WWTR1: variants seen among roughly 807,000 people sequenced by gnomAD.
The protein encoded by WWTR1 is WW domain-containing transcription regulator protein 1.
WWTR1 carries 13 observed loss-of-function variants against 40.1 expected under a neutral mutation model. The observed-to-expected ratio is 0.32, with a 90% CI of 0.21 to 0.52. The LOEUF (loss-of-function observed/expected upper bound fraction) is 0.52, where lower values mean the gene tolerates loss of function less well. Among genes scored for constraint, WWTR1 ranks in the 20% least tolerant of loss-of-function variants. WWTR1 has a pLI of 0.97. For missense variants in WWTR1, 436 were observed against 523.1 expected (o/e 0.83, Z 1.63); for synonymous variants, 230 against 210.1 (o/e 1.09, Z -0.82).
chr3:149,699,202 CT>C lies in WWTR1; in HGVS notation c.-108+3921del, dbSNP rs1405548773. On this transcript the variant is annotated intron_variant, in intron 1 of 7. Transcript: ENST00000465804. ...TTAAGTCATTTCTTTGCTCCTGCAT[CT>C]GATTGTGGGTGATTAGAAGCAGCCA... is the stretch of plus-strand genomic sequence containing the variant. Among the ~76,000 whole-genome samples the C allele has an allele frequency of 6.6e-5, 10 of 152,102 alleles. No homozygotes were observed. The South Asian group carries it at 1.9e-3, about 28-fold the overall frequency.
At chr3:149,670,083 T>G (rs914321665) in intron 1 of WWTR1, among the ~76,000 whole-genome samples, 1 of 152,160 alleles carries the variant, frequency 6.6e-6, no homozygotes, top group African/African-American at 2.4e-5. Context: ...CAGCAATGGC[T>G]CAGCTCTAGC....
At chr3:149,626,818 GCA>G (rs1378355783) in intron 2 of WWTR1, among the ~76,000 whole-genome samples, 1 of 152,096 alleles carries the variant, frequency 6.6e-6, no homozygotes, top group African/African-American at 2.4e-5. Flanking sequence ...CCCAACCTTG[GCA>G]CACAGCGCAC....
At chr3:149,527,153 C>CTTTTTT (rs755334881) in intron 5 of WWTR1, among the ~76,000 whole-genome samples, 44 of 144,412 alleles carry the variant, frequency 3.0e-4, no homozygotes, top group African/African-American at 4.4e-4. Flanking sequence ...CTTTTCTTTT[C>CTTTTTT]TTTCTTTTTT....
rs574513681 is a variant in WWTR1, at chr3:149,681,762, A to G, written c.-107-11871T>C. ...GCTTTAAAACAGAAGGAAATCCTGA[A>G]TATGTGACAACATAGATGAAACTTA... On this transcript the variant is annotated intron_variant, in intron 1 of 7. Coordinates refer to the WWTR1 transcript ENST00000465804. Among the ~76,000 whole-genome samples the G allele has an allele frequency of 3.1e-4, 47 of 152,316 alleles. 1 individual carries two copies. The East Asian group carries it at 9.0e-3, about 29-fold the overall frequency.
At chr3:149,595,562 C>A (rs1738960828) in intron 2 of WWTR1, among the ~76,000 whole-genome samples, 2 of 151,992 alleles carry the variant, frequency 1.3e-5, no homozygotes, top group Admixed American at 1.3e-4. Flanking sequence ...TAAATCTAGG[C>A]AAGGGGTATA....
At chr3:149,668,609 A>AAAAAAAAAAAAAAAC (rs1457621342) in intron 2 of WWTR1, among the ~76,000 whole-genome samples, 1 of 149,098 alleles carries the variant, frequency 6.7e-6, no homozygotes, top group Admixed American at 6.9e-5. Flanking sequence ...TTGTGTCTCA[A>AAAAAAAAAAAAAAAC]AAAAAACAAC....
chr3:149,553,234 G>A (rs1052449686), intron 3 of WWTR1, among the ~76,000 whole-genome samples: 6 of 152,186 alleles, frequency 3.9e-5, no homozygotes, highest in African/African-American at 1.4e-4. Context: ...GCTGGCATCA[G>A]CTGCATGGAT....
chr3:149,624,849 GCCAC>G (rs986942883), intron 2 of WWTR1, among the ~76,000 whole-genome samples: 4 of 150,914 alleles, frequency 2.7e-5, no homozygotes, highest in African/African-American at 9.7e-5. Flanking sequence ...ACAGGCATGT[GCCAC>G]CATGCCCAGC....
chr3:149,581,369 C>T (rs1018652702), intron 2 of WWTR1, among the ~76,000 whole-genome samples: 1 of 151,688 alleles, frequency 6.6e-6, no homozygotes, highest in Admixed American at 6.6e-5. Context: ...AGACTCATGC[C>T]ATATAATAAA....
intron 6 of WWTR1, among the ~76,000 whole-genome samples, chr3:149,523,486 G>C (rs575122878): frequency 6.6e-6 from 1 of 152,276 alleles, no homozygotes; most frequent in African/African-American, 2.4e-5. Flanking sequence ...AACCTCAGGT[G>C]ATCCACCCAC....
Position 149,656,764 on chromosome 3 carries a change from T to TCTCTC in WWTR1, c.431+111_431+112insGAGAG, listed in dbSNP as rs1560106326. The TCTCTC allele has an allele frequency of 3.6e-4, 171 of 468,612 alleles. No homozygotes were observed. The African/African-American group carries it at 5.3e-3, about 14-fold the overall frequency. The allele number at this position is 468,612 out of a possible 1,614,324, so 29.0% of individuals were successfully genotyped here. A position where few individuals can be genotyped will look rare whatever the true frequency, so the allele number is the denominator to read the frequency against. On this transcript the variant is annotated intron_variant, in intron 2 of 6. Coordinates refer to ENST00000360632, the MANE Select transcript of WWTR1 (RefSeq NM_015472.6). ...GGAAGGACACGCACCATCTCTCTCT[T>TCTCTC]TCTCTCTCTCTCTCTCTCTCTCTCT...
chr3:149,561,889 T>C (rs1235210166), intron 3 of WWTR1, among the ~76,000 whole-genome samples: 1 of 152,180 alleles, frequency 6.6e-6, no homozygotes, highest in Non-Finnish European at 1.5e-5. Context: ...CTGGGGGTCA[T>C]GGTGGGAAGG....
chr3:149,701,568 T>C (rs1715174452), intron 1 of WWTR1: 1 of 179,660 alleles, frequency 5.6e-6, no homozygotes. Context: ...TGAATTCTAT[T>C]ATCTTTACAA....
chr3:149,662,512 A>C (rs1487684591), upstream of WWTR1, among the ~76,000 whole-genome samples: 1 of 152,124 alleles, frequency 6.6e-6, no homozygotes, highest in Non-Finnish European at 1.5e-5. Flanking sequence ...GTTCACATCC[A>C]ATCAGCGGCA....
intron 3 of WWTR1, 88 bp downstream of exon 3, chr3:149,572,776 G>T: frequency 6.7e-7 from 1 of 1,490,516 alleles, no homozygotes; most frequent in Non-Finnish European, 9.0e-7. Context: ...GAGCCCACGA[G>T]TTCAACACCA....
At chr3:149,570,042 T>C (rs1176697674) in intron 3 of WWTR1, among the ~76,000 whole-genome samples, 3 of 152,230 alleles carry the variant, frequency 2.0e-5, no homozygotes, top group Admixed American at 6.5e-5. Context: ...GGCAGAGTTA[T>C]GGCTTGAAAT....
chr3:149,666,421 T>C (rs1713820901), intron 2 of WWTR1, among the ~76,000 whole-genome samples: 1 of 152,190 alleles, frequency 6.6e-6, no homozygotes, highest in South Asian at 2.1e-4. Context: ...TAAAAATATA[T>C]ATTTCTAGAT....
At chr3:149,555,389 CT>C (rs1220772324) in intron 3 of WWTR1, among the ~76,000 whole-genome samples, 1 of 151,576 alleles carries the variant, frequency 6.6e-6, no homozygotes, top group African/African-American at 2.4e-5. Context: ...AGGAATCACA[CT>C]AATGCAAATT....
intron 4 of WWTR1, among the ~76,000 whole-genome samples, chr3:149,721,801 C>T (rs1048735614): frequency 5.3e-5 from 8 of 152,098 alleles, no homozygotes; most frequent in South Asian, 2.1e-4. Flanking sequence ...TGGGCTCAAA[C>T]GATCCTGTCA....
Sources: allele counts gnomAD v4.1 joint callset (sites outside exome capture counted in the v4.1 genomes callset), GRCh38; gene constraint gnomAD v4.1.1; transcripts MANE v1.5; gene names NCBI Gene and HGNC (gene_info 2026-07-23, HGNC 2026-07-21).